The following PON1 variants were observed in gnomAD, a reference collection of about 807,000 sequenced individuals.
PON1 encodes serum paraoxonase/arylesterase 1.
In PON1, 37 loss-of-function variants were observed where a neutral mutation model predicts 39.2. The ratio of observed to expected loss-of-function variants is 0.94; its 90% CI spans 0.73 to 1.24. The LOEUF (loss-of-function observed/expected upper bound fraction) is 1.24. PON1 is among the 50% of genes most tolerant of loss of function. PON1 has a pLI of 0.00. For synonymous variants in PON1, 148 were observed against 152.2 expected (o/e 0.97, Z 0.21); for missense variants, 397 against 413.5 (o/e 0.96, Z 0.35).
chr7:95,317,299 C>G (rs529250927), intron 2 of PON1, among the ~76,000 whole-genome samples: 3 of 152,094 alleles, frequency 2.0e-5, no homozygotes, highest in African/African-American at 7.2e-5. Flanking sequence ...TTATAAACAT[C>G]GGTTAAATAT....
At chr7:95,306,230 A>T in intron 7 of PON1, 55 bp downstream of exon 7, 1 of 1,418,606 alleles carries the variant, frequency 7.0e-7, no homozygotes, top group Non-Finnish European at 1.0e-6. Flanking sequence ...TAATTTCACA[A>T]ATCAATTAGA....
intron 5 of PON1, among the ~76,000 whole-genome samples, chr7:95,310,304 G>T (rs1260005178): frequency 6.6e-6 from 1 of 152,174 alleles, no homozygotes; most frequent in East Asian, 1.9e-4. Context: ...GACTTACAGA[G>T]AAAGCTCATT....
Position 95,315,392 on chromosome 7 carries a change from CA to C in PON1, c.299del (p.Leu100TrpfsTer33), listed in dbSNP as rs1563599154. On this transcript the variant is annotated frameshift_variant, in exon 4 of 9. Coordinates refer to ENST00000222381, the MANE Select transcript of PON1 (RefSeq NM_000446.7). LOFTEE classifies it high-confidence loss of function. The stretch of plus-strand genomic sequence containing the variant: ...CATCAAATTTACTTCCAGTGATCCC[CA>C]ATTCCAACACTGTTGGATCTTCTTC... ...LNEEDPTVLELGITGSKFDVS... is the reference protein window; with the variant it reads ...LNEEDPTVLEXGITGSKFDVS... 1 of 1,613,478 alleles carries C rather than the reference CA, an allele frequency of 6.2e-7. No individual in the cohort carries two copies. The highest frequency in any genetic ancestry group is 2.2e-5 in the East Asian group (1 of 44,878).
chr7:95,324,372 G>A (rs1355743151), intron 1 of PON1, 30 bp downstream of exon 1: 3 of 1,608,090 alleles, frequency 1.9e-6, no homozygotes, highest in Non-Finnish European at 2.6e-6. Context: ...GGAGGACGAA[G>A]GCTGCAGCCC....
In PON1 at chr7:95,298,477, A is replaced by G. The variant is rs775756990; in HGVS notation, c.*467T>C. ...TGTGCATGGAGTAGAGGGGAACTTC[A>G]TAATGCATATGTTTTCTGGCCTGTG... On this transcript the variant is annotated 3_prime_UTR_variant, in exon 9 of 9. Coordinates refer to ENST00000222381, the MANE Select transcript of PON1 (RefSeq NM_000446.7). 18 of 250,294 alleles carry G rather than the reference A, an allele frequency of 7.2e-5. No homozygotes were observed. The highest frequency in any genetic ancestry group is 1.5e-4 in the Admixed American group (3 of 20,288). The allele number at this position is 250,294 out of a possible 1,614,324, so 15.5% of individuals were successfully genotyped here. A position where few individuals can be genotyped will look rare whatever the true frequency, so the allele number is the denominator to read the frequency against.
intron 7 of PON1, among the ~76,000 whole-genome samples, chr7:95,305,866 G>C (rs1391129636): frequency 6.9e-6 from 1 of 145,116 alleles, no homozygotes; most frequent in African/African-American, 2.7e-5. Flanking sequence ...ACATTGTGGA[G>C]AGCAGCCCTG....
chr7:95,311,625 T>TGTCA, intron 4 of PON1, 48 bp from the exon 5 acceptor site: 7 of 1,611,476 alleles, frequency 4.3e-6, no homozygotes, highest in Non-Finnish European at 5.1e-6. Flanking sequence ...AAGCTCTCAC[T>TGTCA]GTCAGCCCTC....
At chr7:95,301,320 C>T (rs1192222209) in intron 8 of PON1, among the ~76,000 whole-genome samples, 1 of 152,170 alleles carries the variant, frequency 6.6e-6, no homozygotes, top group Non-Finnish European at 1.5e-5. Context: ...AGCTATTTAT[C>T]TTGCCACCTG....
chr7:95,309,431 G>T (rs1160344198), intron 5 of PON1, among the ~76,000 whole-genome samples: 1 of 151,942 alleles, frequency 6.6e-6, no homozygotes, highest in Non-Finnish European at 1.5e-5. Context: ...TAGTATGCTG[G>T]ACTATCATTT....
Position 95,313,269 on chromosome 7 carries a change from G to A in PON1, c.371-1692C>T, listed in dbSNP as rs527339632. On this transcript the variant is annotated intron_variant, in intron 4 of 8. Coordinates refer to ENST00000222381, the MANE Select transcript of PON1 (RefSeq NM_000446.7). ...AAGGATATAGTCTCAGAAAATACAT[G>A]TGCGAGAAAGTTTATTTTGGCATTG... 2.8e-4 allele frequency among the ~76,000 whole-genome samples: 42 copies of A among 152,310 alleles called. No individual in the cohort carries two copies. The South Asian group carries it at 4.1e-3, about 15-fold the overall frequency.
intron 4 of PON1, among the ~76,000 whole-genome samples, chr7:95,314,008 C>T (rs2116317578): frequency 6.6e-6 from 1 of 152,240 alleles, no homozygotes; most frequent in African/African-American, 2.4e-5. Flanking sequence ...GCTAGGTGCA[C>T]TGCAGTATCA....
At chr7:95,303,679 G>C (rs1453830348) in intron 7 of PON1, among the ~76,000 whole-genome samples, 1 of 152,136 alleles carries the variant, frequency 6.6e-6, no homozygotes. Flanking sequence ...AGTCTAGCAG[G>C]GAGCCTGTTC....
At chr7:95,313,219 G>A (rs1807692826) in intron 4 of PON1, among the ~76,000 whole-genome samples, 2 of 152,232 alleles carry the variant, frequency 1.3e-5, no homozygotes, top group South Asian at 4.1e-4. Flanking sequence ...TTGTGCAGTG[G>A]ATTCTACTTC....
At position 95,308,158 on chromosome 7, in the gene PON1, T is replaced by A; in HGVS notation, c.551A>T (p.His184Leu). 6.2e-7 allele frequency: 1 copy of A among 1,614,156 alleles called. No homozygotes were observed. Among genetic ancestry groups the A allele is most frequent in the Non-Finnish European group, 8.5e-7 (1 of 1,180,034 alleles). Reference protein sequence around the residue: ...GPEHFYGTNDHYFLDPYLQSW... With the variant: ...GPEHFYGTNDLYFLDPYLQSW... ...TTGTAAGTAGGGGTCAAGAAAATAGTGATCATTTGTGCCATAAAAGTGCTC... is the reference window on the plus strand; with the variant it reads ...TTGTAAGTAGGGGTCAAGAAAATAGAGATCATTTGTGCCATAAAAGTGCTC... Residue 184 changes from histidine (H) to leucine (L), a missense_variant, in exon 6 of 9, where the codon CAC (histidine) becomes CTC (leucine). By Grantham distance (99) the His-to-Leu change is moderately conservative. Coordinates refer to ENST00000222381, the MANE Select transcript of PON1 (RefSeq NM_000446.7).
chr7:95,302,163 C>A, intron 8 of PON1, 42 bp downstream of exon 8: 1 of 1,366,462 alleles, frequency 7.3e-7, no homozygotes, highest in Non-Finnish European at 1.0e-6. Context: ...AAAACAGTAG[C>A]TGGGAATAAA....
chr7:95,305,001 CA>C (rs1360306332), intron 7 of PON1, among the ~76,000 whole-genome samples: 40 of 152,264 alleles, frequency 2.6e-4, no homozygotes, highest in African/African-American at 9.1e-4. Context: ...GTTAAAACCG[CA>C]GCTTGTTTTT....
In PON1 at chr7:95,299,054, C is replaced by G; in HGVS notation, c.958G>C (p.Val320Leu). 2 of 1,614,148 alleles carry G rather than the reference C, an allele frequency of 1.2e-6. No individual in the cohort carries two copies. Among genetic ancestry groups the G allele is most frequent in the Non-Finnish European group, 8.5e-7 (1 of 1,179,966 alleles). Reference protein sequence around the residue: ...ILTEEPKVTQVYAENGTVLQG... With the variant: ...ILTEEPKVTQLYAENGTVLQG... ...AACACTGTGCCATTTTCTGCATAAA[C>G]CTGTGTCACTTTAGGTTCTTCTGTT... The change falls in exon 9 of 9, where the codon GTT becomes CTT. Residue 320 changes from valine (V) to leucine (L), a missense_variant. Physicochemically the swap from Val to Leu is conservative, Grantham distance 32 (BLOSUM62 1). Coordinates refer to ENST00000222381, the MANE Select transcript of PON1 (RefSeq NM_000446.7).
intron 1 of PON1, among the ~76,000 whole-genome samples, chr7:95,323,082 C>T (rs1807935214): frequency 6.6e-6 from 1 of 152,176 alleles, no homozygotes. Flanking sequence ...TTCCATGACG[C>T]TGGTTCTGAT....
intron 8 of PON1, among the ~76,000 whole-genome samples, chr7:95,300,015 CTG>C (rs1807386420): frequency 6.6e-6 from 1 of 151,330 alleles, no homozygotes; most frequent in African/African-American, 2.5e-5. Flanking sequence ...AAAACCATAT[CTG>C]TGTACCATAC....
Sources: gnomAD v4.1 joint callset for allele counts (sites outside exome capture counted in the v4.1 genomes callset) on GRCh38, gnomAD v4.1.1 for gene constraint, MANE v1.5 for transcripts, NCBI Gene and HGNC (gene_info 2026-07-23, HGNC 2026-07-21) for gene names.